The following SORL1 variants were observed in gnomAD, a reference collection of about 807,000 sequenced individuals.
The protein encoded by SORL1 is sortilin-related receptor.
SORL1 carries 127 observed loss-of-function variants against 273.7 expected under a neutral mutation model. The observed-to-expected ratio is 0.46, with a 90% CI of 0.40 to 0.54. SORL1 has a LOEUF of 0.54. Ranked by LOEUF, SORL1 falls within the 20% of genes least tolerant of loss-of-function variation. SORL1 has a pLI of 0.00. For missense variants in SORL1, 2,494 were observed against 2,846.1 expected (o/e 0.88, Z 2.81); for synonymous variants, 1,031 against 1,067.4 (o/e 0.97, Z 0.66).
At position 121,633,481 on chromosome 11, in the gene SORL1, T is replaced by C. The variant is rs1259916289; in HGVS notation, c.*3918T>C. 1 of 152,244 alleles carries C rather than the reference T, an allele frequency of 6.6e-6. No homozygotes were observed. The highest frequency in any genetic ancestry group is 1.9e-4 in the East Asian group (1 of 5,206). 9.4% of individuals were successfully genotyped at this position (152,244 alleles called of 1,614,324 possible). A position where few individuals can be genotyped will look rare whatever the true frequency, so the allele number is the denominator to read the frequency against. On this transcript the variant is annotated 3_prime_UTR_variant, in exon 48 of 48. Transcript: ENST00000260197. ...GGCAAAATAAAGGCCTATTCTACTC[T>C]TATTTAAAGTGAAACACTGTATACT...
chr11:121,481,398 G>A (rs1861383383), intron 3 of SORL1, among the ~76,000 whole-genome samples: 2 of 124,062 alleles, frequency 1.6e-5, no homozygotes, highest in African/African-American at 6.9e-5. Context: ...CCTATAGGCA[G>A]GCTCCATCTC....
chr11:121,486,511 A>G lies in SORL1; in HGVS notation c.529-1521A>G, dbSNP rs374769170. Among the ~76,000 whole-genome samples the G allele has an allele frequency of 7.2e-3, 971 of 135,640 alleles. 14 individuals are homozygous for G. Among genetic ancestry groups the G allele is most frequent in the African/African-American group, 0.026 (920 of 35,934 alleles). 89.0% of individuals were successfully genotyped at this position (135,640 alleles called of 152,430 possible). A position where few individuals can be genotyped will look rare whatever the true frequency, so the allele number is the denominator to read the frequency against. ...TTTTTTTTTTTTGAGACGGAGTCTCACTCTGTCGCCCAGGCTGGAGTGTAG... is the reference window on the plus strand; with the variant it reads ...TTTTTTTTTTTTGAGACGGAGTCTCGCTCTGTCGCCCAGGCTGGAGTGTAG... On this transcript the variant is annotated intron_variant, in intron 3 of 47. Coordinates refer to ENST00000260197, the MANE Select transcript of SORL1 (RefSeq NM_003105.6).
At chr11:121,545,200 G>T in intron 13 of SORL1, 43 bp from the exon 14 acceptor site, 5 of 1,598,672 alleles carry the variant, frequency 3.1e-6, no homozygotes, top group Non-Finnish European at 4.3e-6. Flanking sequence ...AACCCTACAT[G>T]GGCCTGCCTC....
rs145960733 is a variant in SORL1, at chr11:121,586,287, G to C, written c.3772G>C (p.Gly1258Arg). The stretch of plus-strand genomic sequence containing the variant: ...CATCCCATCCAGCAAACATTGTGAT[G>C]GTCTGCGTGATTGCTCTGATGGCTC... ...TCIPSSKHCD[G>R]LRDCSDGSDE... Residue 1258 changes from glycine to arginine, a missense_variant, in exon 27 of 48, where the codon GGT (glycine) becomes CGT (arginine). Gly to Arg is a moderately radical substitution (Grantham distance 125). Coordinates refer to ENST00000260197, the MANE Select transcript of SORL1 (RefSeq NM_003105.6). 1.2e-6 allele frequency: 2 copies of C among 1,614,118 alleles called. No homozygotes were observed. The highest frequency in any genetic ancestry group is 3.3e-5 in the Admixed American group (2 of 60,020).
chr11:121,490,133 T>C, intron 5 of SORL1, 23 bp downstream of exon 5: 2 of 1,552,652 alleles, frequency 1.3e-6, no homozygotes, highest in Non-Finnish European at 1.8e-6. Flanking sequence ...ATCTAAGAAA[T>C]CTTGATATAT....
At chr11:121,511,586 A>G (rs1278854511) in intron 6 of SORL1, among the ~76,000 whole-genome samples, 2 of 152,146 alleles carry the variant, frequency 1.3e-5, no homozygotes, top group African/African-American at 4.8e-5. Context: ...ATCATTTCCT[A>G]CGGCCCTATG....
intron 20 of SORL1, 34 bp from the exon 21 acceptor site, chr11:121,559,485 G>T: frequency 6.2e-7 from 1 of 1,602,762 alleles, no homozygotes; most frequent in South Asian, 1.1e-5. Flanking sequence ...AAGAACGAAA[G>T]AGCTGGACTA....
At chr11:121,471,963 G>T (rs575498100) in intron 2 of SORL1, among the ~76,000 whole-genome samples, 1 of 152,260 alleles carries the variant, frequency 6.6e-6, no homozygotes, top group South Asian at 2.1e-4. Context: ...AAAAGCTGTG[G>T]CCACCACAGA....
intron 6 of SORL1, among the ~76,000 whole-genome samples, chr11:121,505,413 G>C (rs572480164): frequency 6.8e-4 from 104 of 151,862 alleles, no homozygotes; most frequent in African/African-American, 2.5e-3. Flanking sequence ...TATTGTTTGA[G>C]TAATTTTCTT....
chr11:121,476,551 T>C (rs1861269786), intron 2 of SORL1, among the ~76,000 whole-genome samples: 2 of 152,250 alleles, frequency 1.3e-5, no homozygotes, highest in African/African-American at 4.8e-5. Flanking sequence ...GTCTAAAGAC[T>C]ATGTCTTTTA....
chr11:121,492,598 T>C (rs1365408216), intron 5 of SORL1, among the ~76,000 whole-genome samples: 2 of 152,194 alleles, frequency 1.3e-5, no homozygotes, highest in Non-Finnish European at 2.9e-5. Flanking sequence ...TGCACTGATA[T>C]ATCCACAGTG....
intron 3 of SORL1, among the ~76,000 whole-genome samples, chr11:121,478,671 C>T (rs551223123): frequency 5.3e-5 from 8 of 151,934 alleles, no homozygotes; most frequent in East Asian, 3.9e-4. Context: ...TGCTTGTGTG[C>T]GTGTGAGTAC....
At chr11:121,607,323 C>A in intron 37 of SORL1, 33 bp downstream of exon 37, 1 of 1,286,034 alleles carries the variant, frequency 7.8e-7, no homozygotes, top group Non-Finnish European at 1.1e-6. Context: ...GCCATCCATG[C>A]AGTCTTAGAA....
chr11:121,519,075 G>A (rs925019191), intron 8 of SORL1, among the ~76,000 whole-genome samples: 1 of 150,760 alleles, frequency 6.6e-6, no homozygotes, highest in African/African-American at 2.4e-5. Flanking sequence ...AGCCTCCCAA[G>A]TAGCTGGGAC....
chr11:121,487,352 G>A (rs974197300), intron 3 of SORL1, among the ~76,000 whole-genome samples: 16 of 152,276 alleles, frequency 1.1e-4, no homozygotes, highest in Non-Finnish European at 2.2e-4. Context: ...TCTTTCAGCC[G>A]CAGCCACTAT....
chr11:121,575,330 C>T (rs955254135), intron 24 of SORL1, among the ~76,000 whole-genome samples: 5 of 152,188 alleles, frequency 3.3e-5, no homozygotes, highest in East Asian at 3.9e-4. Context: ...TGCTGACCTC[C>T]GAAGGAGACA....
intron 46 of SORL1, 118 bp downstream of exon 46, chr11:121,625,395 G>T: frequency 3.6e-6 from 3 of 841,216 alleles, no homozygotes; most frequent in Non-Finnish European, 5.4e-6. Flanking sequence ...CAGCTTAAAA[G>T]AAAATCATTT....
chr11:121,457,051 G>A (rs1223990347), intron 1 of SORL1, among the ~76,000 whole-genome samples: 1 of 152,200 alleles, frequency 6.6e-6, no homozygotes, highest in East Asian at 1.9e-4. Flanking sequence ...GAGTTGCTCG[G>A]GGCCTTGGGT....
In SORL1 at chr11:121,550,073, A is replaced by G. The variant is rs1862484918; in HGVS notation, c.2165A>G (p.Tyr722Cys). 6.2e-7 allele frequency: 1 copy of G among 1,613,440 alleles called. No individual in the cohort carries two copies. The highest frequency in any genetic ancestry group is 8.5e-7 in the Non-Finnish European group (1 of 1,179,604). The change falls in exon 15 of 48, where the codon TAC becomes TGC. Residue 722 changes from tyrosine (Y) to cysteine (C), a missense_variant. Physicochemically the swap from Tyr to Cys is radical, Grantham distance 194. Coordinates refer to ENST00000260197, the MANE Select transcript of SORL1 (RefSeq NM_003105.6). The surrounding 1 kb of genome is among the most constrained non-coding windows in gnomAD (Gnocchi z 5.3). ...PPVPCPVGSTYRRTRGYRKIS... is the reference protein window; with the variant it reads ...PPVPCPVGSTCRRTRGYRKIS... ...GTGCCTTGCCCTGTGGGTTCTACTT[A>G]CAGGAGAACGAGAGGGTATGTATCA...
Sources: gnomAD v4.1 joint callset for allele counts (sites outside exome capture counted in the v4.1 genomes callset) on GRCh38, gnomAD v4.1.1 for gene constraint, Gnocchi (gnomAD v3.1) non-coding constraint, MANE v1.5 for transcripts, NCBI Gene and HGNC (gene_info 2026-07-23, HGNC 2026-07-21) for gene names.